Variants in DTNA observed in about 807,000 individuals in gnomAD.
DTNA encodes dystrobrevin alpha, also known as dystrophin-related protein 3.
DTNA carries 43 observed loss-of-function variants against 100.7 expected under a neutral mutation model. The observed-to-expected ratio is 0.43, with a 90% CI of 0.33 to 0.55. DTNA has a LOEUF of 0.55. DTNA is among the 20% of genes least tolerant of loss of function. The probability of loss-of-function intolerance (pLI) is 0.04; values close to 1 mark genes in which losing one functional copy is unlikely to be tolerated. For synonymous variants in DTNA, 349 were observed against 347.9 expected (o/e 1.00, Z -0.04); for missense variants, 798 against 953.9 (o/e 0.84, Z 2.15).
chr18:34,716,700 A>AT (rs1200084635), intron 1 of DTNA, among the ~76,000 whole-genome samples: 5 of 152,222 alleles, frequency 3.3e-5, no homozygotes, highest in African/African-American at 1.2e-4. Context: ...TGGCTTAAGA[A>AT]TTGGAATGCC....
chr18:34,803,648 A>G (rs1474857561), intron 4 of DTNA, among the ~76,000 whole-genome samples: 1 of 152,090 alleles, frequency 6.6e-6, no homozygotes, highest in Admixed American at 6.5e-5. Flanking sequence ...TGTAGACTTT[A>G]CTGTTGTCAT....
At chr18:34,520,775 A>G (rs139722510) in intron 1 of DTNA, among the ~76,000 whole-genome samples, 1 of 152,072 alleles carries the variant, frequency 6.6e-6, no homozygotes, top group Non-Finnish European at 1.5e-5. Flanking sequence ...TTCTCCTGCC[A>G]TTTCCTTCCT....
chr18:34,625,302 T>C (rs756043664), intron 1 of DTNA, among the ~76,000 whole-genome samples: 1 of 152,186 alleles, frequency 6.6e-6, no homozygotes, highest in Admixed American at 6.5e-5. Context: ...GTGCTGGGAT[T>C]ACAGGTGTGA....
chr18:34,516,050 A>G (rs1466018791), intron 1 of DTNA, among the ~76,000 whole-genome samples: 13 of 152,128 alleles, frequency 8.5e-5, no homozygotes, highest in Non-Finnish European at 2.9e-5. Flanking sequence ...TAACTAATAC[A>G]GTGAATCTCA....
chr18:34,596,724 A>G (rs1053490868), intron 1 of DTNA, among the ~76,000 whole-genome samples: 1 of 152,112 alleles, frequency 6.6e-6, no homozygotes, highest in Non-Finnish European at 1.5e-5. Context: ...ATGATTTCAG[A>G]TAACTTTTCT....
At chr18:34,568,782 C>G (rs2146367828) in intron 1 of DTNA, among the ~76,000 whole-genome samples, 1 of 152,160 alleles carries the variant, frequency 6.6e-6, no homozygotes, top group East Asian at 1.9e-4. Context: ...TACCACCATG[C>G]CTGGCTAATT....
intron 1 of DTNA, among the ~76,000 whole-genome samples, chr18:34,610,289 A>G (rs1265769710): frequency 6.6e-6 from 1 of 152,168 alleles, no homozygotes; most frequent in Non-Finnish European, 1.5e-5. Flanking sequence ...GATAAGTCAA[A>G]CCAACCAAGA....
chr18:34,665,688 C>T (rs931329390), intron 1 of DTNA, among the ~76,000 whole-genome samples: 14 of 152,008 alleles, frequency 9.2e-5, no homozygotes, highest in Admixed American at 2.0e-4. Flanking sequence ...GTTTTTTGTC[C>T]TTGCGATAGT....
intron 4 of DTNA, among the ~76,000 whole-genome samples, chr18:34,796,159 G>A (rs1404294043): frequency 6.6e-6 from 1 of 152,196 alleles, no homozygotes; most frequent in African/African-American, 2.4e-5. Context: ...ACATATCCAT[G>A]TAGAGATCCT....
At chr18:34,529,109 A>G (rs1371787678) in intron 1 of DTNA, among the ~76,000 whole-genome samples, 4 of 152,142 alleles carry the variant, frequency 2.6e-5, no homozygotes, top group Non-Finnish European at 4.4e-5. Context: ...CATGAGGAAA[A>G]GACGTAAAGG....
chr18:34,835,507 A>AAGAGG (rs947314472), intron 11 of DTNA, among the ~76,000 whole-genome samples: 1 of 152,132 alleles, frequency 6.6e-6, no homozygotes, highest in Non-Finnish European at 1.5e-5. Context: ...GAAGAAAAGG[A>AAGAGG]AGAGGAGAGG....
intron 1 of DTNA, among the ~76,000 whole-genome samples, chr18:34,625,984 C>T (rs148662890): frequency 2.8e-3 from 432 of 152,184 alleles, no homozygotes; most frequent in Middle Eastern, 0.01. Flanking sequence ...TTGTGAATGC[C>T]AAGACAAGGA....
intron 1 of DTNA, among the ~76,000 whole-genome samples, chr18:34,742,006 A>G (rs2090736962): frequency 6.6e-6 from 1 of 152,140 alleles, no homozygotes; most frequent in African/African-American, 2.4e-5. Flanking sequence ...AACTAACTTG[A>G]AGATAAAATT....
intron 1 of DTNA, among the ~76,000 whole-genome samples, chr18:34,495,606 AAAG>A (rs1317488765): frequency 3.9e-5 from 6 of 152,220 alleles, no homozygotes; most frequent in Admixed American, 6.5e-5. Context: ...GGCGGTTTTA[AAAG>A]AAGAATTGTG....
chr18:34,563,556 A>C (rs2046823392), intron 1 of DTNA, among the ~76,000 whole-genome samples: 1 of 152,190 alleles, frequency 6.6e-6, no homozygotes, highest in Non-Finnish European at 1.5e-5. Context: ...GTCTATAAAG[A>C]CCTTCTCATT....
At chr18:34,578,669 T>G (rs560539447) in intron 1 of DTNA, among the ~76,000 whole-genome samples, 2 of 152,326 alleles carry the variant, frequency 1.3e-5, no homozygotes, top group Non-Finnish European at 2.9e-5. Flanking sequence ...GGATCTAGTT[T>G]CACTCTTCTA....
At chr18:34,689,075 C>T (rs2079338969) in intron 1 of DTNA, among the ~76,000 whole-genome samples, 2 of 152,146 alleles carry the variant, frequency 1.3e-5, no homozygotes, top group Non-Finnish European at 2.9e-5. Flanking sequence ...AGCTTCCTTG[C>T]ATTGGGTTAG....
intron 1 of DTNA, among the ~76,000 whole-genome samples, chr18:34,746,352 A>G (rs1482477941): frequency 1.3e-5 from 2 of 152,116 alleles, no homozygotes; most frequent in Non-Finnish European, 2.9e-5. Context: ...GAAGGCAGTC[A>G]TTTCCTAATA....
At chr18:34,585,802 C>T (rs56119355) in intron 1 of DTNA, among the ~76,000 whole-genome samples, 25,762 of 152,124 alleles carry the variant, frequency 0.17, 3,574 homozygotes, top group African/African-American at 0.39. Flanking sequence ...AGATGGTTGC[C>T]TCTGGGCTTC....
Sources: gnomAD v4.1 joint callset for allele counts (sites outside exome capture counted in the v4.1 genomes callset) on GRCh38, gnomAD v4.1.1 for gene constraint, MANE v1.5 for transcripts, NCBI Gene and HGNC (gene_info 2026-07-23, HGNC 2026-07-21) for gene names.